Variants in NCOR1 observed in about 807,000 individuals in gnomAD.
The protein encoded by NCOR1 is nuclear receptor corepressor 1.
A neutral mutation model predicts 288.1 loss-of-function variants in NCOR1; 63 were observed. That is an observed-to-expected ratio of 0.22 (90% CI 0.18 to 0.27). The LOEUF (loss-of-function observed/expected upper bound fraction) is 0.27, where lower values mean the gene tolerates loss of function less well. Ranked by LOEUF, NCOR1 falls within the 10% of genes least tolerant of loss-of-function variation. NCOR1 has a pLI of 1.00. For missense variants in NCOR1, 2,397 were observed against 3,019.2 expected (o/e 0.79, Z 4.83); for synonymous variants, 1,007 against 1,065.9 (o/e 0.94, Z 1.08).
At chr17:16,127,145 GTA>G (rs1166112662) in intron 14 of NCOR1, among the ~76,000 whole-genome samples, 1 of 132,312 alleles carries the variant, frequency 7.6e-6, no homozygotes, top group Non-Finnish European at 1.5e-5. Flanking sequence ...ATACATGTAT[GTA>G]TATATCTGTA....
At chr17:16,081,411 T>TAA (rs2063398093) in intron 23 of NCOR1, among the ~76,000 whole-genome samples, 1 of 146,362 alleles carries the variant, frequency 6.8e-6, no homozygotes, top group Non-Finnish European at 1.5e-5. Context: ...TGAATCTAGG[T>TAA]AAAAACAGGT....
chr17:16,211,604 C>T (rs1318171542), intron 1 of NCOR1, among the ~76,000 whole-genome samples: 3 of 151,880 alleles, frequency 2.0e-5, no homozygotes, highest in East Asian at 1.9e-4. Flanking sequence ...GCAGGACATA[C>T]GGAAGAAGCA....
intron 3 of NCOR1, among the ~76,000 whole-genome samples, chr17:16,182,434 A>G (rs1196817813): frequency 6.6e-6 from 1 of 152,190 alleles, no homozygotes; most frequent in Admixed American, 6.5e-5. Context: ...GAAAACTTAA[A>G]TAAATTTATT....
intron 42 of NCOR1, 87 bp from the exon 43 acceptor site, chr17:16,040,581 T>A: frequency 9.2e-7 from 1 of 1,089,442 alleles, no homozygotes; most frequent in Non-Finnish European, 1.3e-6. Flanking sequence ...ATAATAAAAT[T>A]AATCTTTTTA....
chr17:16,060,236 G>A (rs1330828715), intron 37 of NCOR1, among the ~76,000 whole-genome samples: 4 of 152,162 alleles, frequency 2.6e-5, no homozygotes, highest in Non-Finnish European at 5.9e-5. Context: ...CACACACAGA[G>A]ACATGGACAC....
At chr17:16,067,348 T>C (rs2061247615) in intron 32 of NCOR1, among the ~76,000 whole-genome samples, 1 of 152,234 alleles carries the variant, frequency 6.6e-6, no homozygotes, top group Non-Finnish European at 1.5e-5. Context: ...AAAGAGTTGA[T>C]ACAGAAGTTG....
At chr17:16,075,457 G>A in intron 27 of NCOR1, 77 bp downstream of exon 27, 1 of 1,495,464 alleles carries the variant, frequency 6.7e-7, no homozygotes, top group South Asian at 1.3e-5. Flanking sequence ...CCAGAGAGCA[G>A]AAATGCGGGA....
chr17:16,066,937 A>C (rs974083740), intron 32 of NCOR1, among the ~76,000 whole-genome samples: 1 of 152,262 alleles, frequency 6.6e-6, no homozygotes, highest in Non-Finnish European at 1.5e-5. Flanking sequence ...AAGGATACTT[A>C]TTAAGCAAAG....
chr17:16,102,734 T>C (rs1008627506), intron 19 of NCOR1, among the ~76,000 whole-genome samples: 2 of 152,072 alleles, frequency 1.3e-5, no homozygotes, highest in African/African-American at 4.8e-5. Context: ...GCTGGGATTA[T>C]AGGTGCCTGG....
chr17:16,100,650 A>G (rs2067452942), intron 20 of NCOR1, among the ~76,000 whole-genome samples: 1 of 152,242 alleles, frequency 6.6e-6, no homozygotes, highest in African/African-American at 2.4e-5. Flanking sequence ...AAAAAAGAAA[A>G]AAAACTTGTA....
chr17:16,051,460 A>G (rs563813457), intron 40 of NCOR1, among the ~76,000 whole-genome samples: 100 of 152,368 alleles, frequency 6.6e-4, no homozygotes, highest in Non-Finnish European at 1.1e-3. Context: ...GAACAAAGAT[A>G]CAACGTACCA....
rs1361972472 is a variant in NCOR1 at position 16,158,887 on chromosome 17, AAAG to A, written c.619-17_619-15del. On this transcript the variant is annotated splice_polypyrimidine_tract_variant and intron_variant, in intron 5 of 45. Transcript: ENST00000268712. Reference sequence around the variant, plus strand: ...TTCAAGCTGTTGCTAAGAGATCCAGAAAGAAAGAGTCAAGCATGTGCTGCACAC... The same window carrying A: ...TTCAAGCTGTTGCTAAGAGATCCAGAAAAGAGTCAAGCATGTGCTGCACAC... 6.3e-7 allele frequency: 1 copy of A among 1,591,516 alleles called. No individual in the cohort carries two copies. Among genetic ancestry groups the A allele is most frequent in the East Asian group, 2.2e-5 (1 of 44,752 alleles).
intron 41 of NCOR1, 23 bp from the exon 42 acceptor site, chr17:16,047,116 T>C (rs772089066): frequency 6.2e-7 from 1 of 1,601,242 alleles, no homozygotes; most frequent in Admixed American, 1.7e-5. Flanking sequence ...AAGTTAAGTA[T>C]ATTACAACCA....
At position 16,145,735 on chromosome 17, in the gene NCOR1, T is replaced by C. The variant is rs369656060; in HGVS notation, c.1082+641A>G. ...GAGGTGGGGGGCAGCCCCTGCCCAGTCAGCCGCCCCATCCGGGGGGTGGGG... is the reference window on the plus strand; with the variant it reads ...GAGGTGGGGGGCAGCCCCTGCCCAGCCAGCCGCCCCATCCGGGGGGTGGGG... On this transcript the variant is annotated intron_variant, in intron 10 of 45. Coordinates refer to ENST00000268712, the MANE Select transcript of NCOR1 (RefSeq NM_006311.4). Among the ~76,000 whole-genome samples the C allele has an allele frequency of 5.3e-5, 8 of 151,428 alleles. No homozygotes were observed. The East Asian group carries it at 9.8e-4, about 19-fold the overall frequency.
intron 18 of NCOR1, among the ~76,000 whole-genome samples, chr17:16,113,184 G>A (rs954099409): frequency 1.3e-5 from 2 of 151,720 alleles, no homozygotes; most frequent in African/African-American, 4.8e-5. Context: ...CAAAGTGCTG[G>A]GATTACAGGC....
chr17:16,166,707 G>A (rs1268835033), intron 4 of NCOR1, among the ~76,000 whole-genome samples: 6 of 151,218 alleles, frequency 4.0e-5, no homozygotes, highest in African/African-American at 1.5e-4. Context: ...AATCAGATTT[G>A]GTGTATAACC....
chr17:16,046,920 A>G (rs1383421252), intron 42 of NCOR1, 31 bp downstream of exon 42: 1 of 1,610,222 alleles, frequency 6.2e-7, no homozygotes, highest in East Asian at 2.2e-5. Context: ...TGCATGTTTT[A>G]TTTGGGGTTC....
chr17:16,088,263 A>G (rs2064569647), intron 22 of NCOR1, among the ~76,000 whole-genome samples: 1 of 152,186 alleles, frequency 6.6e-6, no homozygotes, highest in East Asian at 1.9e-4. Context: ...ATATTTTATA[A>G]TAATGAGTTT....
chr17:16,204,947 G>A (rs1303609033), intron 1 of NCOR1, among the ~76,000 whole-genome samples: 1 of 152,214 alleles, frequency 6.6e-6, no homozygotes, highest in East Asian at 1.9e-4. Context: ...GAGGCCAGGC[G>A]CGTTGGCTCA....
Sources: gnomAD v4.1 joint callset for allele counts (sites outside exome capture counted in the v4.1 genomes callset) on GRCh38, gnomAD v4.1.1 for gene constraint, MANE v1.5 for transcripts, NCBI Gene and HGNC (gene_info 2026-07-23, HGNC 2026-07-21) for gene names.